Variants in ARHGAP17 observed in about 807,000 individuals in gnomAD.
The protein encoded by ARHGAP17 is rho GTPase-activating protein 17.
ARHGAP17 carries 57 observed loss-of-function variants against 99.5 expected under a neutral mutation model. The ratio of observed to expected loss-of-function variants is 0.57; its 90% confidence interval spans 0.46 to 0.71. The LOEUF is 0.71. ARHGAP17 is among the 30% of genes least tolerant of loss of function. ARHGAP17 has a pLI of 0.00. For synonymous variants in ARHGAP17, 417 were observed against 429.6 expected, an observed-to-expected ratio of 0.97 and a Z score of 0.36; for missense variants, 1,000 against 1,122.4, an observed-to-expected ratio of 0.89 and a Z score of 1.56.
intron 17 of ARHGAP17, among the ~76,000 whole-genome samples, chr16:24,938,773 GAAAAAA>G (rs111587139): frequency 1.1e-4 from 9 of 81,236 alleles, no homozygotes; most frequent in Admixed American, 6.0e-4. Context: ...CGCAGTCTCA[GAAAAAA>G]AAAAAAAAAA....
chr16:24,920,331 G>A lies in ARHGAP17; in HGVS notation c.2516-71C>T, dbSNP rs1384500959. 7.6e-6 allele frequency: 12 copies of A among 1,573,006 alleles called. No homozygotes were observed. In the South Asian group the frequency reaches 1.3e-4, roughly 18 times the overall value. Reference sequence around the variant, plus strand: ...CCGAGAGGCCACCTGAGGGTGCTCTGAGAAGAAGAGAGGCTGGGAAGTTTC... The same window carrying A: ...CCGAGAGGCCACCTGAGGGTGCTCTAAGAAGAAGAGAGGCTGGGAAGTTTC... On this transcript the variant is annotated intron_variant, in intron 19 of 19. Transcript: ENST00000289968.
intron 15 of ARHGAP17, among the ~76,000 whole-genome samples, chr16:24,943,044 A>G (rs2051361831): frequency 6.6e-6 from 1 of 152,188 alleles, no homozygotes; most frequent in Admixed American, 6.5e-5. Context: ...CCCACGGGAC[A>G]TGGCAGCAGG....
chr16:24,946,581 C>T (rs1597387888), intron 14 of ARHGAP17, among the ~76,000 whole-genome samples: 1 of 151,896 alleles, frequency 6.6e-6, no homozygotes, highest in Non-Finnish European at 1.5e-5. Context: ...GTTAAAGACA[C>T]TTGAAAACCA....
chr16:24,971,765 A>C (rs2052371162), intron 3 of ARHGAP17, among the ~76,000 whole-genome samples: 1 of 152,244 alleles, frequency 6.6e-6, no homozygotes, highest in Non-Finnish European at 1.5e-5. Context: ...TTTGTTTTCC[A>C]GCTGGCAATG....
rs1173268572 is a variant in ARHGAP17, at chr16:24,955,572, G to A, written c.725-842C>T. ...TCTAGTGCTATCTGAGCAGCTCGCA[G>A]AAGCAAAGGAGGGCAAACCAGTTGT... On this transcript the variant is annotated intron_variant, in intron 9 of 19. Coordinates refer to ENST00000289968, the MANE Select transcript of ARHGAP17 (RefSeq NM_001006634.3). This position sits in a 1 kb window ranked among gnomAD's most constrained non-coding sequence, Gnocchi z 4.0. The A allele has an allele frequency of 2.0e-5, 3 of 152,252 alleles. No individual in the cohort carries two copies. 9.4% of individuals were successfully genotyped at this position (152,252 alleles called of 1,614,324 possible).
intron 1 of ARHGAP17, among the ~76,000 whole-genome samples, chr16:24,997,633 A>G (rs1424264109): frequency 6.6e-6 from 1 of 152,216 alleles, no homozygotes; most frequent in Non-Finnish European, 1.5e-5. Context: ...GTGGGTAGGT[A>G]GAGCAGGGCA....
At chr16:24,991,525 C>T (rs1747974394) in intron 1 of ARHGAP17, among the ~76,000 whole-genome samples, 1 of 151,696 alleles carries the variant, frequency 6.6e-6, no homozygotes, top group African/African-American at 2.4e-5. Flanking sequence ...GCAGGACGTT[C>T]AATTAAAACA....
intron 1 of ARHGAP17, 58 bp downstream of exon 1, chr16:25,015,151 G>T: frequency 8.5e-7 from 1 of 1,177,520 alleles, no homozygotes. Context: ...CCGCCCCCGC[G>T]CCCTCCGCCC....
intron 8 of ARHGAP17, 49 bp downstream of exon 8, chr16:24,959,862 G>A (rs770866033): frequency 6.2e-7 from 1 of 1,606,578 alleles, no homozygotes; most frequent in Admixed American, 1.7e-5. Flanking sequence ...AAGCTAAAAT[G>A]ACTCCATTTT....
At chr16:25,004,931 T>C (rs1343430968) in intron 1 of ARHGAP17, among the ~76,000 whole-genome samples, 1 of 152,238 alleles carries the variant, frequency 6.6e-6, no homozygotes, top group Non-Finnish European at 1.5e-5. Flanking sequence ...TTGTTTGTTT[T>C]TGAGATGGAG....
At chr16:24,938,773 G>GAAAAAAAAAAAA (rs111587139) in intron 17 of ARHGAP17, among the ~76,000 whole-genome samples, 2 of 81,222 alleles carry the variant, frequency 2.5e-5, no homozygotes, top group Middle Eastern at 7.5e-3. Context: ...CGCAGTCTCA[G>GAAAAAAAAAAAA]AAAAAAAAAA....
intron 6 of ARHGAP17, among the ~76,000 whole-genome samples, chr16:24,964,876 A>C (rs922877263): frequency 6.6e-6 from 1 of 151,942 alleles, no homozygotes; most frequent in African/African-American, 2.4e-5. Flanking sequence ...TGGGAGGCTA[A>C]GGTGGGAGGA....
At chr16:24,982,996 A>ATATATATT (rs1315859010) in intron 1 of ARHGAP17, among the ~76,000 whole-genome samples, 2 of 46,976 alleles carry the variant, frequency 4.3e-5, no homozygotes, top group African/African-American at 8.7e-5. Flanking sequence ...ATATATATAT[A>ATATATATT]TTTTTTTTTT....
At chr16:24,969,220 T>C (rs541949217) in intron 4 of ARHGAP17, among the ~76,000 whole-genome samples, 28 of 152,346 alleles carry the variant, frequency 1.8e-4, no homozygotes, top group African/African-American at 6.7e-4. Context: ...TACATAAATA[T>C]CATGTTTCCT....
At chr16:25,010,828 C>T (rs1205623947) in intron 1 of ARHGAP17, among the ~76,000 whole-genome samples, 1 of 152,230 alleles carries the variant, frequency 6.6e-6, no homozygotes, top group East Asian at 1.9e-4. Flanking sequence ...TTCACATGGC[C>T]CAAAGCACTG....
intron 1 of ARHGAP17, among the ~76,000 whole-genome samples, chr16:24,998,779 G>A (rs1304645094): frequency 6.6e-6 from 1 of 152,174 alleles, no homozygotes; most frequent in Non-Finnish European, 1.5e-5. Context: ...GAATGAATCA[G>A]GCTATTATTC....
intron 1 of ARHGAP17, among the ~76,000 whole-genome samples, chr16:25,006,522 G>A (rs957096843): frequency 1.3e-5 from 2 of 152,116 alleles, no homozygotes; most frequent in African/African-American, 2.4e-5. Flanking sequence ...CTGAGATGAT[G>A]GAGGAAAAAG....
chr16:24,949,290 TTTTG>T, intron 13 of ARHGAP17, 110 bp downstream of exon 13: 1 of 757,960 alleles, frequency 1.3e-6, no homozygotes, highest in Non-Finnish European at 2.1e-6. Context: ...ATGTGGTTTT[TTTTG>T]TTGTTGTTGT....
intron 1 of ARHGAP17, among the ~76,000 whole-genome samples, chr16:25,014,626 T>G (rs1427974637): frequency 6.6e-6 from 1 of 152,232 alleles, no homozygotes; most frequent in Non-Finnish European, 1.5e-5. Context: ...GAGCCCTGGT[T>G]TTGAGACAGC....
Sources: gnomAD v4.1 joint callset for allele counts (sites outside exome capture counted in the v4.1 genomes callset) on GRCh38, gnomAD v4.1.1 for gene constraint, Gnocchi (gnomAD v3.1) non-coding constraint, MANE v1.5 for transcripts, NCBI Gene and HGNC (gene_info 2026-07-23, HGNC 2026-07-21) for gene names.